CLIC4: variants seen among roughly 807,000 people sequenced by gnomAD.
CLIC4 encodes chloride intracellular channel protein 4.
A neutral mutation model predicts 24.6 loss-of-function variants in CLIC4; 13 were observed. That is an observed-to-expected ratio of 0.53 (90% CI 0.34 to 0.84). The LOEUF is 0.84. Among genes scored for constraint, CLIC4 ranks in the 40% least tolerant of loss-of-function variants. CLIC4 has a pLI of 0.01. For synonymous variants in CLIC4, 104 were observed against 111.3 expected (o/e 0.93, Z 0.41); for missense variants, 227 against 301.7 (o/e 0.75, Z 1.83).
chr1:24,802,711 C>CTTTTT (rs535381018), intron 2 of CLIC4, among the ~76,000 whole-genome samples: 1 of 136,938 alleles, frequency 7.3e-6, no homozygotes, highest in African/African-American at 2.7e-5. Flanking sequence ...TTTTCTTTTT[C>CTTTTT]TTTTTTTTTT....
chr1:24,752,567 C>T (rs1181597779), intron 1 of CLIC4, among the ~76,000 whole-genome samples: 1 of 152,184 alleles, frequency 6.6e-6, no homozygotes, highest in African/African-American at 2.4e-5. Context: ...CTACCTGTTA[C>T]TTCCGGTCAC....
intron 1 of CLIC4, among the ~76,000 whole-genome samples, chr1:24,787,619 C>T (rs1639284308): frequency 6.6e-6 from 1 of 151,824 alleles, no homozygotes; most frequent in Non-Finnish European, 1.5e-5. Context: ...TCACTGCAAG[C>T]TCCGCCTCCC....
At chr1:24,829,533 C>A (rs115667944) in intron 4 of CLIC4, among the ~76,000 whole-genome samples, 57 of 152,172 alleles carry the variant, frequency 3.7e-4, no homozygotes, top group African/African-American at 1.3e-3. Flanking sequence ...GTCCCCAGAT[C>A]TCCTACTTTT....
In CLIC4 at chr1:24,818,903, A is replaced by T. The variant is rs1460113661; in HGVS notation, c.308+4684A>T. Among the ~76,000 whole-genome samples the T allele has an allele frequency of 3.3e-5, 5 of 151,988 alleles. No homozygotes were observed. The South Asian group carries it at 1.0e-3, about 31-fold the overall frequency. Reference sequence around the variant, plus strand: ...AAGAGTCATTTTAAATCAATAGTATAAACATATATGTTATACACATACTAT... The same window carrying T: ...AAGAGTCATTTTAAATCAATAGTATTAACATATATGTTATACACATACTAT... On this transcript the variant is annotated intron_variant, in intron 3 of 5. Coordinates refer to ENST00000374379, the MANE Select transcript of CLIC4 (RefSeq NM_013943.3).
At chr1:24,818,218 G>A (rs1639690196) in intron 3 of CLIC4, among the ~76,000 whole-genome samples, 1 of 152,032 alleles carries the variant, frequency 6.6e-6, no homozygotes, top group Non-Finnish European at 1.5e-5. Flanking sequence ...GCACAATGAA[G>A]CAAAGCTCAA....
At chr1:24,811,415 G>A (rs143630409) in intron 2 of CLIC4, among the ~76,000 whole-genome samples, 2,078 of 152,282 alleles carry the variant, frequency 0.014, 20 homozygotes, top group Non-Finnish European at 0.021. Flanking sequence ...CCTGGTGAAA[G>A]GGTCTCCTGG....
chr1:24,751,096 T>C (rs908853565), intron 1 of CLIC4, among the ~76,000 whole-genome samples: 1 of 152,190 alleles, frequency 6.6e-6, no homozygotes, highest in Non-Finnish European at 1.5e-5. Context: ...ATCCCGATGG[T>C]TGGAGCATCA....
intron 1 of CLIC4, among the ~76,000 whole-genome samples, chr1:24,770,515 C>T (rs1397809316): frequency 6.6e-6 from 1 of 152,084 alleles, no homozygotes; most frequent in African/African-American, 2.4e-5. Context: ...GCTCACTTAC[C>T]AAACTGATTA....
chr1:24,778,912 G>T (rs1023354455), intron 1 of CLIC4, among the ~76,000 whole-genome samples: 4 of 152,122 alleles, frequency 2.6e-5, no homozygotes, highest in African/African-American at 9.7e-5. Context: ...CTTCAAGCAA[G>T]TAACAAAAGT....
At chr1:24,773,969 A>G (rs566394570) in intron 1 of CLIC4, among the ~76,000 whole-genome samples, 1 of 151,798 alleles carries the variant, frequency 6.6e-6, no homozygotes, top group Admixed American at 6.6e-5. Flanking sequence ...TTTTTATTTT[A>G]ATTTTAATTT....
rs541087036 is a variant in CLIC4 at position 24,814,239 on chromosome 1, C to T, written c.308+20C>T. ...TCCCAAGTGAGTATCAAGGAAAATA[C>T]GTATGAAAATATTGTCACTTCTTTG... On this transcript the variant is annotated intron_variant, in intron 3 of 5. Transcript: ENST00000374379. 139 of 1,600,206 alleles carry T rather than the reference C, an allele frequency of 8.7e-5. 1 individual carries two copies. The highest frequency in any genetic ancestry group is 3.4e-5 in the South Asian group (3 of 88,422).
intron 3 of CLIC4, among the ~76,000 whole-genome samples, 180 bp from the exon 4 acceptor site, chr1:24,826,830 C>T (rs945712637): frequency 1.3e-5 from 2 of 152,128 alleles, no homozygotes; most frequent in Admixed American, 6.6e-5. Context: ...AAACATAGTG[C>T]AGAGCTTTGT....
intron 1 of CLIC4, among the ~76,000 whole-genome samples, chr1:24,752,495 G>C (rs1638789018): frequency 6.6e-6 from 1 of 152,178 alleles, no homozygotes; most frequent in South Asian, 2.1e-4. Flanking sequence ...AGTACTGTCT[G>C]TTGCCAGTGG....
intron 4 of CLIC4, among the ~76,000 whole-genome samples, chr1:24,830,237 C>T (rs1455354587): frequency 1.3e-5 from 2 of 152,080 alleles, no homozygotes; most frequent in African/African-American, 4.8e-5. Flanking sequence ...ACCTCTTCAA[C>T]AATTTAGTGT....
intron 1 of CLIC4, among the ~76,000 whole-genome samples, chr1:24,793,379 T>C (rs185700714): frequency 1.7e-4 from 26 of 152,262 alleles, no homozygotes; most frequent in Admixed American, 1.1e-3. Context: ...GAATCAAATA[T>C]CATCCTAACC....
intron 3 of CLIC4, among the ~76,000 whole-genome samples, chr1:24,816,234 G>GTTTTTTTT (rs71752506): frequency 4.8e-5 from 3 of 62,116 alleles, no homozygotes; most frequent in African/African-American, 5.9e-5. Context: ...GAATGTTCGT[G>GTTTTTTTT]TTTTTTTTTT....
intron 1 of CLIC4, among the ~76,000 whole-genome samples, chr1:24,761,420 A>T (rs1638926237): frequency 6.6e-6 from 1 of 152,154 alleles, no homozygotes; most frequent in Non-Finnish European, 1.5e-5. Context: ...ATGTAGGATG[A>T]GTAGTAATTA....
intron 2 of CLIC4, among the ~76,000 whole-genome samples, chr1:24,798,980 G>T (rs1440611023): frequency 2.0e-5 from 3 of 152,212 alleles, no homozygotes; most frequent in Non-Finnish European, 4.4e-5. Context: ...GCAGTGGCGT[G>T]ATCTCGGCTC....
intron 3 of CLIC4, among the ~76,000 whole-genome samples, chr1:24,817,595 T>C (rs1433215794): frequency 6.6e-6 from 1 of 152,248 alleles, no homozygotes; most frequent in Non-Finnish European, 1.5e-5. Context: ...AAGCTGTTTT[T>C]CTCTATCATT....
Sources: allele counts gnomAD v4.1 joint callset (sites outside exome capture counted in the v4.1 genomes callset), GRCh38; gene constraint gnomAD v4.1.1; transcripts MANE v1.5; gene names NCBI Gene and HGNC (gene_info 2026-07-23, HGNC 2026-07-21).